Variants in CNTN5 observed in about 807,000 individuals in gnomAD.
CNTN5 encodes contactin 5.
In CNTN5, 77 loss-of-function variants were observed where a neutral mutation model predicts 129.1. That is an observed-to-expected ratio of 0.60 (90% CI 0.50 to 0.72). The LOEUF is 0.72. CNTN5 is among the 30% of genes least tolerant of loss of function. The pLI, the probability that CNTN5 is intolerant of heterozygous loss-of-function variation, is 0.00. For missense variants in CNTN5, 1,478 were observed against 1,328.8 expected (o/e 1.11, Z -1.75); for synonymous variants, 509 against 465.6 (o/e 1.09, Z -1.20).
chr11:100,110,197 AAAAG>A (rs1256461597), intron 13 of CNTN5, among the ~76,000 whole-genome samples: 8 of 145,330 alleles, frequency 5.5e-5, no homozygotes, highest in African/African-American at 2.2e-4. Context: ...AAAAAAAAAA[AAAAG>A]AAAAGAAAAA....
At chr11:99,359,270 A>C (rs1938930552) in intron 2 of CNTN5, among the ~76,000 whole-genome samples, 1 of 152,244 alleles carries the variant, frequency 6.6e-6, no homozygotes, top group Non-Finnish European at 1.5e-5. Flanking sequence ...TGTCCTTATA[A>C]CCTTCTATGG....
intron 9 of CNTN5, among the ~76,000 whole-genome samples, chr11:100,035,878 G>T (rs1043512958): frequency 6.2e-4 from 95 of 152,122 alleles, no homozygotes; most frequent in African/African-American, 2.2e-3. Context: ...CCCTTTGTCA[G>T]GTGAGTAGGT....
chr11:99,739,582 C>G (rs1943825711), intron 3 of CNTN5, among the ~76,000 whole-genome samples: 1 of 152,006 alleles, frequency 6.6e-6, no homozygotes, highest in African/African-American at 2.4e-5. Context: ...GAACATGTAT[C>G]TTATTACTAG....
intron 3 of CNTN5, among the ~76,000 whole-genome samples, chr11:99,818,871 G>A (rs1254776612): frequency 2.6e-5 from 4 of 151,932 alleles, no homozygotes; most frequent in African/African-American, 4.8e-5. Flanking sequence ...GTATTAATCT[G>A]TACACATTAG....
At chr11:99,559,972 G>A (rs907815218) in intron 3 of CNTN5, among the ~76,000 whole-genome samples, 1 of 152,092 alleles carries the variant, frequency 6.6e-6, no homozygotes, top group Non-Finnish European at 1.5e-5. Context: ...CATGCTATAT[G>A]ATTTTCTTTA....
At chr11:99,930,796 A>AACACAC (rs59103010) in intron 7 of CNTN5, among the ~76,000 whole-genome samples, 9,434 of 149,128 alleles carry the variant, frequency 0.063, 521 homozygotes, top group African/African-American at 0.15. Context: ...CATACACACA[A>AACACAC]ACACACACAC....
chr11:99,995,301 A>T (rs1481041999), intron 8 of CNTN5, among the ~76,000 whole-genome samples: 5 of 149,676 alleles, frequency 3.3e-5, no homozygotes, highest in Admixed American at 1.3e-4. Flanking sequence ...CTTTAGTGAC[A>T]TTTTTTTCTC....
intron 1 of CNTN5, among the ~76,000 whole-genome samples, chr11:99,259,673 AGT>A (rs1247642024): frequency 6.6e-6 from 1 of 151,546 alleles, no homozygotes; most frequent in Non-Finnish European, 1.5e-5. Context: ...TGTGTGTGTT[AGT>A]GTGTGTTTTA....
intron 2 of CNTN5, among the ~76,000 whole-genome samples, chr11:99,473,880 T>C (rs1945271371): frequency 6.6e-6 from 1 of 151,994 alleles, no homozygotes; most frequent in Non-Finnish European, 1.5e-5. Context: ...AGACAGTAAA[T>C]ATATTTGAAA....
At chr11:99,082,938 G>C (rs1865865015) in intron 1 of CNTN5, among the ~76,000 whole-genome samples, 1 of 151,896 alleles carries the variant, frequency 6.6e-6, no homozygotes, top group Non-Finnish European at 1.5e-5. Flanking sequence ...TCTTCACAGT[G>C]GTTAATTCTA....
chr11:99,533,111 T>C (rs1002954979), intron 2 of CNTN5, among the ~76,000 whole-genome samples: 2 of 152,178 alleles, frequency 1.3e-5, no homozygotes, highest in Non-Finnish European at 2.9e-5. Flanking sequence ...TAATCCCAGC[T>C]ATTCAGGAGT....
chr11:99,041,161 C>A (rs1454985258), intron 1 of CNTN5, among the ~76,000 whole-genome samples: 1 of 152,066 alleles, frequency 6.6e-6, no homozygotes, highest in Non-Finnish European at 1.5e-5. Context: ...CACCAGGAGC[C>A]AACTCCAATA....
chr11:99,228,820 C>T (rs752177658), intron 1 of CNTN5, among the ~76,000 whole-genome samples: 1 of 151,796 alleles, frequency 6.6e-6, no homozygotes, highest in Non-Finnish European at 1.5e-5. Flanking sequence ...TACATTAACT[C>T]TTTCTCACAT....
chr11:100,286,785 G>T (rs1441154050), intron 18 of CNTN5, among the ~76,000 whole-genome samples: 11 of 146,494 alleles, frequency 7.5e-5, no homozygotes, highest in African/African-American at 2.6e-4. Flanking sequence ...AGAGAAGAAG[G>T]CTTCAGATGA....
chr11:100,156,463 C>CT (rs575818239), intron 13 of CNTN5, among the ~76,000 whole-genome samples: 66 of 152,098 alleles, frequency 4.3e-4, no homozygotes, highest in African/African-American at 1.5e-3. Flanking sequence ...CTGAAATTAT[C>CT]TTTTTTTGTT....
At chr11:99,425,337 G>A (rs893108091) in intron 2 of CNTN5, among the ~76,000 whole-genome samples, 2 of 152,200 alleles carry the variant, frequency 1.3e-5, no homozygotes, top group Non-Finnish European at 2.9e-5. Flanking sequence ...GGGTTTCACT[G>A]AGGACCCTCC....
chr11:99,281,894 G>A (rs1482072588), intron 1 of CNTN5, among the ~76,000 whole-genome samples: 4 of 151,992 alleles, frequency 2.6e-5, no homozygotes, highest in Non-Finnish European at 5.9e-5. Flanking sequence ...GTCATTTAAA[G>A]TAGGACGTTG....
At chr11:99,903,613 C>T (rs1333981227) in intron 6 of CNTN5, among the ~76,000 whole-genome samples, 2 of 151,962 alleles carry the variant, frequency 1.3e-5, no homozygotes, top group Non-Finnish European at 2.9e-5. Flanking sequence ...CAAAAATTGC[C>T]TGAGGAGTTG....
At chr11:99,656,083 TGTTA>T (rs1198021663) in intron 3 of CNTN5, among the ~76,000 whole-genome samples, 1 of 152,046 alleles carries the variant, frequency 6.6e-6, no homozygotes, top group African/African-American at 2.4e-5. Context: ...TAAGTGTGTG[TGTTA>T]TTGTGGAGCC....
Sources: gnomAD v4.1 joint callset for allele counts (sites outside exome capture counted in the v4.1 genomes callset) on GRCh38, gnomAD v4.1.1 for gene constraint, MANE v1.5 for transcripts, NCBI Gene and HGNC (gene_info 2026-07-23, HGNC 2026-07-21) for gene names.